GRAMD1C: variants seen among roughly 807,000 people sequenced by gnomAD.
GRAMD1C encodes GRAM domain containing 1C.
A neutral mutation model predicts 97.8 loss-of-function variants in GRAMD1C; 89 were observed. The observed-to-expected ratio is 0.91, with a 90% CI of 0.77 to 1.09. The LOEUF (loss-of-function observed/expected upper bound fraction) is 1.09, where lower values mean the gene tolerates loss of function less well. Among genes scored for constraint, GRAMD1C ranks in the 50% least tolerant of loss-of-function variants. GRAMD1C has a pLI of 0.00. For missense variants in GRAMD1C, 740 were observed against 766.4 expected (o/e 0.97, Z 0.41); for synonymous variants, 256 against 267.0 (o/e 0.96, Z 0.40).
chr3:113,892,741 T>G (rs1451993120), intron 6 of GRAMD1C, among the ~76,000 whole-genome samples: 3 of 152,182 alleles, frequency 2.0e-5, no homozygotes, highest in African/African-American at 4.8e-5. Context: ...AGCACCATTC[T>G]TTAATACAAA....
At chr3:113,886,527 TTTC>T (rs1229758587) in intron 6 of GRAMD1C, among the ~76,000 whole-genome samples, 2 of 152,200 alleles carry the variant, frequency 1.3e-5, no homozygotes, top group South Asian at 2.1e-4. Flanking sequence ...CCCTCTTTAC[TTTC>T]CTTCTATTTT....
intron 5 of GRAMD1C, among the ~76,000 whole-genome samples, chr3:113,881,576 G>A (rs1050110670): frequency 1.3e-5 from 2 of 152,224 alleles, no homozygotes; most frequent in Non-Finnish European, 2.9e-5. Flanking sequence ...GGAATGTGGT[G>A]GTTGTGCGTG....
chr3:113,908,828 A>G (rs1422139875), intron 8 of GRAMD1C, 130 bp from the exon 9 acceptor site: 1 of 572,266 alleles, frequency 1.7e-6, no homozygotes, highest in Non-Finnish European at 3.1e-6. Context: ...TGATGCAAGT[A>G]TAACAAACAA....
chr3:113,870,462 G>A (rs1934758374), intron 3 of GRAMD1C, among the ~76,000 whole-genome samples: 1 of 151,912 alleles, frequency 6.6e-6, no homozygotes, highest in Non-Finnish European at 1.5e-5. Context: ...AAAAGGAGAT[G>A]GTTAATGGGT....
chr3:113,884,967 C>T (rs537244312), intron 6 of GRAMD1C, among the ~76,000 whole-genome samples: 1 of 147,622 alleles, frequency 6.8e-6, no homozygotes, highest in African/African-American at 2.5e-5. Flanking sequence ...GCCCCCTCCC[C>T]CAATTATCCT....
intron 5 of GRAMD1C, among the ~76,000 whole-genome samples, chr3:113,877,881 G>A (rs545647005): frequency 1.1e-3 from 169 of 152,016 alleles, no homozygotes; most frequent in African/African-American, 3.5e-3. Context: ...GGGTTCAAGC[G>A]ATTCCCCTGC....
chr3:113,885,966 C>T (rs1244058586), intron 6 of GRAMD1C: 27 of 1,603,130 alleles, frequency 1.7e-5, no homozygotes, highest in South Asian at 2.2e-5. Flanking sequence ...GCTGGATGCC[C>T]TCAGGTTCAC....
chr3:113,829,562 T>C (rs1286793966), intron 1 of GRAMD1C, among the ~76,000 whole-genome samples: 1 of 152,144 alleles, frequency 6.6e-6, no homozygotes. Context: ...ATTTATTGAG[T>C]TATAATAGTT....
rs544993214 is a variant in GRAMD1C, at chr3:113,900,507, G to A, written c.541-524G>A. On this transcript the variant is annotated intron_variant, in intron 6 of 17. Transcript: ENST00000358160. ...ACAATCTTGGCTCACTGCAACCTCC[G>A]CCCCCTGGGTTCAATCGATTCTCCT... Among the ~76,000 whole-genome samples, 7 of 149,658 alleles carry A rather than the reference G, an allele frequency of 4.7e-5. No individual in the cohort carries two copies. The South Asian group carries it at 1.3e-3, about 28-fold the overall frequency.
intron 2 of GRAMD1C, 193 bp downstream of exon 2, chr3:113,844,842 C>T (rs1162953853): frequency 1.3e-5 from 6 of 459,868 alleles, no homozygotes; most frequent in East Asian, 7.7e-5. Flanking sequence ...TTGTCTGGTT[C>T]GATGAAATGG....
chr3:113,834,206 G>A (rs1709601305), upstream of GRAMD1C, among the ~76,000 whole-genome samples: 1 of 152,024 alleles, frequency 6.6e-6, no homozygotes, highest in African/African-American at 2.4e-5. Context: ...TTGAGACAGA[G>A]TCTCACCCTG....
At chr3:113,918,249 A>AT (rs1370103079) in intron 10 of GRAMD1C, among the ~76,000 whole-genome samples, 2 of 151,986 alleles carry the variant, frequency 1.3e-5, no homozygotes, top group Non-Finnish European at 2.9e-5. Context: ...AACTTATTAT[A>AT]TTTTTTCGGA....
chr3:113,903,139 AT>A (rs201449989), intron 7 of GRAMD1C, among the ~76,000 whole-genome samples: 441 of 135,710 alleles, frequency 3.2e-3, no homozygotes, highest in Admixed American at 6.4e-3. Context: ...TAATTTTTGC[AT>A]TTTTTTTTTT....
chr3:113,897,184 C>A (rs918626786), intron 6 of GRAMD1C, among the ~76,000 whole-genome samples: 2 of 151,986 alleles, frequency 1.3e-5, no homozygotes, highest in Admixed American at 6.6e-5. Context: ...AGGAATACTA[C>A]GTCAGTACTA....
At position 113,933,497 on chromosome 3, in the gene GRAMD1C, T is replaced by C. The variant is rs1937514268; in HGVS notation, c.1210-14T>C. The C allele has an allele frequency of 6.3e-7, 1 of 1,597,626 alleles. No individual in the cohort carries two copies. Among genetic ancestry groups the C allele is most frequent in the African/African-American group, 1.3e-5 (1 of 74,558 alleles). On this transcript the variant is annotated splice_polypyrimidine_tract_variant and intron_variant, in intron 11 of 17. Coordinates refer to ENST00000358160, the MANE Select transcript of GRAMD1C (RefSeq NM_017577.5). ...AGCATATACATACAAACATTTTTTA[T>C]CTTACTTTGGCAGACACTGTATAAA...
chr3:113,871,015 A>G (rs13327193), intron 3 of GRAMD1C, among the ~76,000 whole-genome samples: 3,899 of 25,098 alleles, frequency 0.16, 127 homozygotes, highest in East Asian at 0.39. Context: ...ACACACACAC[A>G]CACACACAGA....
intron 2 of GRAMD1C, 111 bp from the exon 3 acceptor site, chr3:113,869,396 A>G (rs1424737235): frequency 7.4e-6 from 5 of 674,454 alleles, no homozygotes; most frequent in Admixed American, 3.0e-5. Context: ...TTATATAAGG[A>G]CATACAAAAT....
intron 2 of GRAMD1C, among the ~76,000 whole-genome samples, chr3:113,855,038 A>G (rs575623648): frequency 1.3e-5 from 2 of 152,326 alleles, no homozygotes; most frequent in South Asian, 4.1e-4. Flanking sequence ...TGAGCTGAGC[A>G]TGGTGGCTCA....
chr3:113,890,612 C>T, intron 6 of GRAMD1C: 2 of 570,548 alleles, frequency 3.5e-6, no homozygotes, highest in South Asian at 5.0e-5. Context: ...CTGGCTACCC[C>T]ACCCCAAATA....
Sources: allele counts gnomAD v4.1 joint callset (sites outside exome capture counted in the v4.1 genomes callset), GRCh38; gene constraint gnomAD v4.1.1; transcripts MANE v1.5; gene names NCBI Gene and HGNC (gene_info 2026-07-23, HGNC 2026-07-21).